The following SPAG16 variants were observed in gnomAD, a reference collection of about 807,000 sequenced individuals.
SPAG16 encodes the protein sperm-associated antigen 16 protein.
SPAG16 carries 86 observed loss-of-function variants against 80.4 expected under a neutral mutation model. The observed-to-expected ratio is 1.07, with a 90% CI of 0.90 to 1.28. SPAG16 has a LOEUF of 1.28. Among genes scored for constraint, SPAG16 ranks in the 50% most tolerant of loss-of-function variants. The probability of loss-of-function intolerance (pLI) is 0.00; values close to 1 mark genes in which losing one functional copy is unlikely to be tolerated. For synonymous variants in SPAG16, 294 were observed against 265.9 expected (o/e 1.11, Z -1.03); for missense variants, 870 against 765.3 (o/e 1.14, Z -1.61).
At chr2:214,042,652 A>T (rs2049099284) in intron 13 of SPAG16, among the ~76,000 whole-genome samples, 1 of 152,194 alleles carries the variant, frequency 6.6e-6, no homozygotes, top group South Asian at 2.1e-4. Flanking sequence ...AGATTTGAAC[A>T]TACTAAGTGA....
chr2:213,917,244 G>T (rs907846160), intron 11 of SPAG16, among the ~76,000 whole-genome samples: 1 of 152,056 alleles, frequency 6.6e-6, no homozygotes, highest in Non-Finnish European at 1.5e-5. Flanking sequence ...TCTTAAGATT[G>T]CCTTAGCTAT....
At chr2:213,940,232 A>G (rs1396273272) in intron 12 of SPAG16, among the ~76,000 whole-genome samples, 1 of 152,158 alleles carries the variant, frequency 6.6e-6, no homozygotes, top group Non-Finnish European at 1.5e-5. Flanking sequence ...GATGGTTCCA[A>G]TTTTAGAGGT....
At chr2:213,837,956 G>A (rs978960842) in intron 10 of SPAG16, among the ~76,000 whole-genome samples, 47 of 152,146 alleles carry the variant, frequency 3.1e-4, no homozygotes, top group African/African-American at 1.1e-3. Context: ...GAATAATTAA[G>A]ATGCCAAAGA....
chr2:213,490,171 G>A, intron 10 of SPAG16, 81 bp downstream of exon 10: 10 of 1,336,456 alleles, frequency 7.5e-6, no homozygotes, highest in Non-Finnish European at 9.0e-6. Flanking sequence ...GCCATTCATG[G>A]TTGAAATGGT....
At chr2:213,346,553 C>T (rs1001218700) in intron 6 of SPAG16, among the ~76,000 whole-genome samples, 1 of 152,116 alleles carries the variant, frequency 6.6e-6, no homozygotes, top group African/African-American at 2.4e-5. Context: ...TGAGATACGT[C>T]CCATCAATAC....
intron 10 of SPAG16, among the ~76,000 whole-genome samples, chr2:213,663,371 T>A (rs1574702123): frequency 6.6e-6 from 1 of 152,164 alleles, no homozygotes; most frequent in East Asian, 1.9e-4. Flanking sequence ...TATATGCATT[T>A]AAAAAAATAA....
At chr2:213,409,116 GT>G (rs71060431) in intron 9 of SPAG16, among the ~76,000 whole-genome samples, 49 of 146,808 alleles carry the variant, frequency 3.3e-4, no homozygotes, top group East Asian at 1.8e-3. Flanking sequence ...TAAATTAACT[GT>G]TTTTTTTTTT....
intron 9 of SPAG16, among the ~76,000 whole-genome samples, chr2:213,375,439 C>T (rs572478623): frequency 6.6e-6 from 1 of 151,966 alleles, no homozygotes; most frequent in Non-Finnish European, 1.5e-5. Context: ...ACTCCCAGGT[C>T]ATATCTTGTT....
chr2:213,861,850 T>C (rs2075479530), intron 10 of SPAG16, among the ~76,000 whole-genome samples: 1 of 152,224 alleles, frequency 6.6e-6, no homozygotes, highest in Non-Finnish European at 1.5e-5. Flanking sequence ...TCTATGCCTT[T>C]ATAGAGTGGG....
rs547904104 is a variant in SPAG16 at position 214,032,949 on chromosome 2, A to G, written c.1527+18872A>G. Among the ~76,000 whole-genome samples, 249 of 152,330 alleles carry G rather than the reference A, an allele frequency of 1.6e-3. 1 individual carries two copies. Among genetic ancestry groups the G allele is most frequent in the Admixed American group, 2.8e-3 (43 of 15,288 alleles). On this transcript the variant is annotated intron_variant, in intron 13 of 15. Coordinates refer to ENST00000331683, the MANE Select transcript of SPAG16 (RefSeq NM_024532.5). ...ATGTTATACAAAGAATCAGAAAGAC[A>G]CGACTTGTTTAGAAATTCAAAAGAC... is the stretch of plus-strand genomic sequence containing the variant.
At chr2:214,184,592 G>A (rs1310312115) in intron 15 of SPAG16, among the ~76,000 whole-genome samples, 1 of 152,008 alleles carries the variant, frequency 6.6e-6, no homozygotes, top group Non-Finnish European at 1.5e-5. Flanking sequence ...CATTACTTAA[G>A]GGGGAATCTG....
chr2:213,699,575 G>A (rs759274307), intron 10 of SPAG16, among the ~76,000 whole-genome samples: 6 of 152,190 alleles, frequency 3.9e-5, no homozygotes, highest in Non-Finnish European at 8.8e-5. Flanking sequence ...AGGATGTCTA[G>A]TATGCTTATG....
intron 15 of SPAG16, among the ~76,000 whole-genome samples, chr2:214,293,566 C>T (rs902934426): frequency 6.6e-5 from 10 of 152,226 alleles, no homozygotes; most frequent in Non-Finnish European, 1.5e-4. Context: ...AGGCAGAATA[C>T]TCCCCAGGTC....
chr2:213,551,810 A>G (rs2076788516), intron 10 of SPAG16, among the ~76,000 whole-genome samples: 2 of 152,186 alleles, frequency 1.3e-5, no homozygotes, highest in East Asian at 3.8e-4. Flanking sequence ...CCTGAATACC[A>G]TTTTGAAGAA....
At chr2:214,046,389 A>G (rs1388310824) in intron 13 of SPAG16, among the ~76,000 whole-genome samples, 1 of 152,214 alleles carries the variant, frequency 6.6e-6, no homozygotes, top group Non-Finnish European at 1.5e-5. Context: ...CCAGACAAAG[A>G]TACATCAAAA....
chr2:213,897,769 A>C (rs1404197557), intron 11 of SPAG16, among the ~76,000 whole-genome samples: 3 of 152,144 alleles, frequency 2.0e-5, no homozygotes, highest in Non-Finnish European at 2.9e-5. Context: ...ATAGCCAGTA[A>C]TTTAGTCCTT....
intron 15 of SPAG16, among the ~76,000 whole-genome samples, chr2:214,222,073 CA>C (rs1459856962): frequency 6.9e-6 from 1 of 145,734 alleles, no homozygotes; most frequent in Non-Finnish European, 1.5e-5. Flanking sequence ...ACAGCTAAGA[CA>C]TTAAAATGTG....
chr2:213,945,408 A>C (rs2079406339), intron 12 of SPAG16, among the ~76,000 whole-genome samples: 1 of 151,820 alleles, frequency 6.6e-6, no homozygotes, highest in Non-Finnish European at 1.5e-5. Context: ...ACTGTCTGCA[A>C]GCTTGTGGAG....
chr2:214,023,492 A>G (rs1235308254), intron 13 of SPAG16, among the ~76,000 whole-genome samples: 1 of 151,818 alleles, frequency 6.6e-6, no homozygotes, highest in Non-Finnish European at 1.5e-5. Context: ...TACATTTGTC[A>G]TTAACTTAAG....
Sources: gnomAD v4.1 joint callset for allele counts (sites outside exome capture counted in the v4.1 genomes callset) on GRCh38, gnomAD v4.1.1 for gene constraint, MANE v1.5 for transcripts, NCBI Gene and HGNC (gene_info 2026-07-23, HGNC 2026-07-21) for gene names.